The following HELLS variants were observed in gnomAD, a reference collection of about 807,000 sequenced individuals.
The protein encoded by HELLS is helicase, lymphoid specific.
HELLS carries 32 observed loss-of-function variants against 120.0 expected under a neutral mutation model. The ratio of observed to expected loss-of-function variants is 0.27; its 90% CI spans 0.20 to 0.36. HELLS has a LOEUF of 0.36. Ranked by LOEUF, HELLS falls within the 10% of genes least tolerant of loss-of-function variation. The pLI is 1.00. For synonymous variants in HELLS, 341 were observed against 323.4 expected (o/e 1.05, Z -0.58); for missense variants, 650 against 993.4 (o/e 0.65, Z 4.65).
chr10:94,594,327 C>G (rs879629877), intron 18 of HELLS, among the ~76,000 whole-genome samples: 1 of 152,036 alleles, frequency 6.6e-6, no homozygotes, highest in Admixed American at 6.6e-5. Context: ...GTAGCTGGGT[C>G]TATGGGTGTG....
At chr10:94,608,714 G>A (rs899613050) in intron 9 of HELLS, among the ~76,000 whole-genome samples, 4 of 151,560 alleles carry the variant, frequency 2.6e-5, no homozygotes, top group African/African-American at 9.8e-5. Context: ...CAACTCCTGG[G>A]CTTGAGGGAT....
At chr10:94,612,881 G>T (rs903055055) in exon 10 of HELLS, 1 of 152,188 alleles carries the variant, frequency 6.6e-6, no homozygotes, top group African/African-American at 2.4e-5. Flanking sequence ...CCAAGATTGT[G>T]CCCCTGCATT....
downstream of HELLS, among the ~76,000 whole-genome samples, chr10:94,602,630 A>G (rs1174978910): frequency 6.6e-6 from 1 of 152,134 alleles, no homozygotes; most frequent in Non-Finnish European, 1.5e-5. Flanking sequence ...GTTAAGGATA[A>G]TGGAACCGTC....
In HELLS at chr10:94,592,465, A is replaced by C; in HGVS notation, c.1922A>C (p.Asn641Thr). The C allele has an allele frequency of 6.3e-7, 1 of 1,579,834 alleles. No homozygotes were observed. Residue 641 changes from asparagine (N) to threonine (T), a missense_variant, in exon 17 of 22, where the codon AAC becomes ACC. Physicochemically the swap from Asn to Thr is moderately conservative, Grantham distance 65. Transcript: ENST00000348459. Reference protein sequence around the residue: ...LMDYCHLRDFNFSRLDGSMSY... With the variant: ...LMDYCHLRDFTFSRLDGSMSY... ...GATTACTGCCATCTCAGAGATTTCA[A>C]CTTCAGCAGGCTTGATGGGTCCATG... is the stretch of plus-strand genomic sequence containing the variant.
At chr10:94,593,842 T>C (rs1282507457) in intron 18 of HELLS, among the ~76,000 whole-genome samples, 4 of 152,134 alleles carry the variant, frequency 2.6e-5, no homozygotes, top group Non-Finnish European at 5.9e-5. Flanking sequence ...TTTGTGTTTT[T>C]AGTAGAGACG....
At chr10:94,599,450 C>T (rs947473584) in intron 21 of HELLS, among the ~76,000 whole-genome samples, 2 of 152,104 alleles carry the variant, frequency 1.3e-5, no homozygotes, top group African/African-American at 4.8e-5. Flanking sequence ...ACCTGCTGGG[C>T]TCAATCAATC....
intron 2 of HELLS, among the ~76,000 whole-genome samples, chr10:94,549,438 CA>C (rs1385994193): frequency 1.3e-5 from 2 of 152,300 alleles, no homozygotes; most frequent in Admixed American, 6.5e-5. Flanking sequence ...TGACTTTTCA[CA>C]TGTATTTCCC....
intron 21 of HELLS, among the ~76,000 whole-genome samples, chr10:94,597,453 G>T (rs1445598612): frequency 6.6e-6 from 1 of 152,150 alleles, no homozygotes; most frequent in Non-Finnish European, 1.5e-5. Context: ...CTTATTTCCA[G>T]TGAGCTAAGA....
chr10:94,594,548 T>C, intron 18 of HELLS, 147 bp from the exon 19 acceptor site: 1 of 533,440 alleles, frequency 1.9e-6, no homozygotes, highest in Non-Finnish European at 3.2e-6. Context: ...ATGATAATTT[T>C]GTCTATGAAG....
At chr10:94,602,909 C>T (rs1225803011), downstream of HELLS, among the ~76,000 whole-genome samples, 1 of 152,154 alleles carries the variant, frequency 6.6e-6, no homozygotes, top group Non-Finnish European at 1.5e-5. Flanking sequence ...CTTAGTGACC[C>T]AGTCTTTCCT....
At chr10:94,580,178 CA>C in intron 10 of HELLS, among the ~76,000 whole-genome samples, 2 of 118,778 alleles carry the variant, frequency 1.7e-5, no homozygotes, top group African/African-American at 3.2e-5. Flanking sequence ...CACACACACA[CA>C]CACACATTTT....
chr10:94,581,914 G>A (rs975288364), intron 11 of HELLS, among the ~76,000 whole-genome samples: 19 of 152,228 alleles, frequency 1.2e-4, no homozygotes, highest in African/African-American at 4.3e-4. Context: ...TACAAGATAA[G>A]ACTAGTTAGT....
intron 6 of HELLS, among the ~76,000 whole-genome samples, chr10:94,568,717 C>T (rs1305788010): frequency 6.6e-6 from 1 of 152,144 alleles, no homozygotes; most frequent in Non-Finnish European, 1.5e-5. Flanking sequence ...AAGGAAATCA[C>T]CTGAAAAGCT....
intron 12 of HELLS, among the ~76,000 whole-genome samples, chr10:94,587,599 T>C (rs920582284): frequency 1.3e-5 from 2 of 152,204 alleles, no homozygotes; most frequent in African/African-American, 4.8e-5. Flanking sequence ...AGCTAATTTT[T>C]GTATTTTTAG....
intron 4 of HELLS, among the ~76,000 whole-genome samples, chr10:94,558,726 C>T (rs774080616): frequency 1.5e-4 from 23 of 152,012 alleles, no homozygotes; most frequent in African/African-American, 4.3e-4. Context: ...CTCAGCCTCC[C>T]GAGTAGCTGG....
intron 6 of HELLS, among the ~76,000 whole-genome samples, chr10:94,567,675 G>A (rs1016533156): frequency 6.6e-6 from 1 of 152,166 alleles, no homozygotes; most frequent in African/African-American, 2.4e-5. Context: ...GGAGGCCAGG[G>A]TGAGAGGATC....
intron 19 of HELLS, among the ~76,000 whole-genome samples, chr10:94,595,741 T>A (rs903853363): frequency 5.3e-5 from 8 of 152,220 alleles, no homozygotes; most frequent in African/African-American, 1.9e-4. Flanking sequence ...TTTCTTTGAA[T>A]AAATGGCTTG....
rs112321661 is a variant in HELLS at position 94,576,766 on chromosome 10, G to T, written c.993G>T (p.Thr331=). 1 of 1,610,752 alleles carries T rather than the reference G, an allele frequency of 6.2e-7. No individual in the cohort carries two copies. The highest frequency in any genetic ancestry group is 8.5e-7 in the Non-Finnish European group (1 of 1,178,392). ...GTLQIHPVVI[T]SFEIAMRDRN... is the part of the protein sequence containing the mutation. Reference sequence around the variant, plus strand: ...TGCAGATTCATCCTGTGGTAATCACGTCATTTGAAATAGCCATGAGAGACC... The same window carrying T: ...TGCAGATTCATCCTGTGGTAATCACTTCATTTGAAATAGCCATGAGAGACC... Residue 331 remains threonine (T), a synonymous_variant, in exon 10 of 22, where the codon ACG becomes ACT. Transcript: ENST00000348459.
rs10623208 is a variant in HELLS at position 94,563,808 on chromosome 10, C to CTTT, written c.435+946_435+948dup. 4.6e-3 allele frequency among the ~76,000 whole-genome samples: 623 copies of CTTT among 136,382 alleles called. 8 individuals are homozygous for CTTT. The highest frequency in any genetic ancestry group is 7.6e-3 in the East Asian group (35 of 4,628). 89.5% of individuals were successfully genotyped at this position (136,382 alleles called of 152,430 possible). ...CCCAGCTTTTTGTTGGTTTTCTTTT[C>CTTT]TTTTTTTTTTTTTTTTGATGAGACG... is the stretch of plus-strand genomic sequence containing the variant. On this transcript the variant is annotated intron_variant, in intron 6 of 21. Transcript: ENST00000348459.
Sources: gnomAD v4.1 joint callset for allele counts (sites outside exome capture counted in the v4.1 genomes callset) on GRCh38, gnomAD v4.1.1 for gene constraint, MANE v1.5 for transcripts, NCBI Gene and HGNC (gene_info 2026-07-23, HGNC 2026-07-21) for gene names.